Variants in TBC1D12 observed in about 807,000 individuals in gnomAD.
The protein encoded by TBC1D12 is TBC1 domain family member 12.
TBC1D12 carries 56 observed loss-of-function variants against 86.7 expected under a neutral mutation model. The ratio of observed to expected loss-of-function variants is 0.65; its 90% confidence interval spans 0.52 to 0.81. TBC1D12 has a LOEUF of 0.81. Ranked by LOEUF, TBC1D12 falls within the 30% of genes least tolerant of loss-of-function variation. TBC1D12 has a pLI of 0.00. For missense variants in TBC1D12, 1,023 were observed against 1,038.8 expected (o/e 0.98, Z 0.21); for synonymous variants, 421 against 411.7 (o/e 1.02, Z -0.27).
At chr10:94,487,814 A>G (rs1300217164) in intron 3 of TBC1D12, among the ~76,000 whole-genome samples, 2 of 148,948 alleles carry the variant, frequency 1.3e-5, no homozygotes, top group African/African-American at 4.9e-5. Context: ...CACCCACCTC[A>G]GACTCCCGAG....
chr10:94,458,334 C>T (rs1348944540), intron 2 of TBC1D12, among the ~76,000 whole-genome samples: 1 of 152,126 alleles, frequency 6.6e-6, no homozygotes, highest in Non-Finnish European at 1.5e-5. Context: ...TAGAGCGTCC[C>T]CATCAGCAAG....
intron 2 of TBC1D12, among the ~76,000 whole-genome samples, chr10:94,464,309 C>CT (rs751139079): frequency 9.2e-5 from 14 of 151,560 alleles, no homozygotes; most frequent in Admixed American, 8.6e-4. Context: ...TGGTCTTTCA[C>CT]TTTTTTTTTC....
At chr10:94,492,149 G>A (rs1016156351) in intron 3 of TBC1D12, among the ~76,000 whole-genome samples, 2 of 152,090 alleles carry the variant, frequency 1.3e-5, no homozygotes, top group Admixed American at 6.6e-5. Context: ...ATTGTGCTGG[G>A]TTAACTTAAT....
chr10:94,525,927 C>T (rs750214216), intron 11 of TBC1D12, among the ~76,000 whole-genome samples: 1 of 152,016 alleles, frequency 6.6e-6, no homozygotes, highest in Non-Finnish European at 1.5e-5. Flanking sequence ...TCATCTCAAA[C>T]ATTTATCATT....
chr10:94,470,615 G>A (rs552345305), intron 2 of TBC1D12, among the ~76,000 whole-genome samples: 2 of 151,706 alleles, frequency 1.3e-5, no homozygotes, highest in Admixed American at 6.6e-5. Context: ...TGCCAGCCTC[G>A]GCTTCCCAAA....
chr10:94,459,751 C>T (rs375705181), intron 2 of TBC1D12, among the ~76,000 whole-genome samples: 79 of 152,298 alleles, frequency 5.2e-4, no homozygotes, highest in African/African-American at 1.8e-3. Context: ...GTGCTAAGCC[C>T]CTCACTGCCC....
rs2054781808 is a variant in TBC1D12, at chr10:94,402,637, A to G, written c.24A>G (p.Gly8=). The G allele has an allele frequency of 6.2e-7, 1 of 1,611,832 alleles. No individual in the cohort carries two copies. The highest frequency in any genetic ancestry group is 2.2e-5 in the East Asian group (1 of 44,828). Residue 8 remains glycine (G), a synonymous_variant, in exon 1 of 13, where the codon GGA becomes GGG. Coordinates refer to ENST00000225235, the MANE Select transcript of TBC1D12 (RefSeq NM_015188.2). MVGPEDA[G]ACSGRNPKLL... Reference sequence around the variant, plus strand: ...AGATGGTGGGTCCGGAGGATGCCGGAGCCTGCTCGGGAAGAAACCCCAAGT... The same window carrying G: ...AGATGGTGGGTCCGGAGGATGCCGGGGCCTGCTCGGGAAGAAACCCCAAGT...
At chr10:94,450,589 A>G (rs1436567453) in intron 2 of TBC1D12, among the ~76,000 whole-genome samples, 1 of 152,166 alleles carries the variant, frequency 6.6e-6, no homozygotes, top group Non-Finnish European at 1.5e-5. Flanking sequence ...TTTATGTATT[A>G]GAAAAATAAT....
intron 8 of TBC1D12, among the ~76,000 whole-genome samples, chr10:94,510,990 C>T (rs533565990): frequency 4.0e-4 from 61 of 151,952 alleles, no homozygotes; most frequent in African/African-American, 1.4e-3. Flanking sequence ...TACCCTTATA[C>T]CAAATCTAGA....
intron 2 of TBC1D12, among the ~76,000 whole-genome samples, chr10:94,469,291 G>A (rs2055868290): frequency 6.6e-6 from 1 of 152,112 alleles, no homozygotes; most frequent in Non-Finnish European, 1.5e-5. Context: ...CCCTGGGTAA[G>A]CTCTGGGAAG....
chr10:94,457,956 C>T (rs1014664245), intron 2 of TBC1D12, among the ~76,000 whole-genome samples: 3 of 152,072 alleles, frequency 2.0e-5, no homozygotes, highest in Admixed American at 6.5e-5. Context: ...TCTGCCCATC[C>T]CTTTTATTAC....
intron 1 of TBC1D12, among the ~76,000 whole-genome samples, chr10:94,424,833 G>A (rs1005483403): frequency 6.6e-6 from 1 of 152,238 alleles, no homozygotes; most frequent in East Asian, 1.9e-4. Flanking sequence ...TAATTAATGG[G>A]TTTAAAGTAA....
intron 2 of TBC1D12, among the ~76,000 whole-genome samples, chr10:94,472,009 G>T (rs778231827): frequency 4.8e-4 from 73 of 152,206 alleles, no homozygotes; most frequent in Admixed American, 3.4e-3. Context: ...CTGTCTGGGG[G>T]TCTCCTTTTG....
At position 94,533,063 on chromosome 10, in the gene TBC1D12, A is replaced by T; in HGVS notation, c.2295A>T (p.Gly765=). 1 of 1,595,410 alleles carries T rather than the reference A, an allele frequency of 6.3e-7. No individual in the cohort carries two copies. Among genetic ancestry groups the T allele is most frequent in the East Asian group, 2.3e-5 (1 of 44,378 alleles). The stretch of plus-strand genomic sequence containing the variant: ...CTGTAATGAAGGATATTAAAGAAGG[A>T]GACAAGAACAGTAGTCCTGCTTTGA... ...FASVMKDIKE[G]DKNSSPALKS Residue 765 remains glycine (G), a synonymous_variant, in exon 13 of 13, where the codon GGA becomes GGT. Coordinates refer to ENST00000225235, the MANE Select transcript of TBC1D12 (RefSeq NM_015188.2).
chr10:94,496,595 T>G (rs559886080), intron 4 of TBC1D12, among the ~76,000 whole-genome samples: 8 of 152,302 alleles, frequency 5.3e-5, no homozygotes, highest in Admixed American at 4.6e-4. Context: ...AAATTTGACT[T>G]CATAGATTTA....
chr10:94,438,018 T>TTTTTTTA (rs2055329168), intron 1 of TBC1D12, among the ~76,000 whole-genome samples: 5 of 93,628 alleles, frequency 5.3e-5, no homozygotes, highest in African/African-American at 1.9e-4. Flanking sequence ...TTTTTTTTTT[T>TTTTTTTA]ATGAAATTGA....
chr10:94,510,301 T>G, intron 8 of TBC1D12, 122 bp downstream of exon 8: 1 of 595,158 alleles, frequency 1.7e-6, no homozygotes, highest in Non-Finnish European at 2.8e-6. Flanking sequence ...TTGGGGACCC[T>G]GTATAAAAAG....
rs189899163 is a variant in TBC1D12, at chr10:94,414,527, T to C, written c.971+10943T>C. Among the ~76,000 whole-genome samples the C allele has an allele frequency of 1.7e-3, 257 of 152,306 alleles. 3 individuals carry two copies. Among genetic ancestry groups the C allele is most frequent in the Admixed American group, 3.7e-3 (56 of 15,300 alleles). On this transcript the variant is annotated intron_variant, in intron 1 of 12. Transcript: ENST00000225235. ...TCTAGCCACTTGTGTCTTTAAAGTA[T>C]CTTGTATATCTCTCCTTAACTTCCC...
intron 3 of TBC1D12, among the ~76,000 whole-genome samples, chr10:94,480,764 C>G (rs2056066520): frequency 6.6e-6 from 1 of 150,706 alleles, no homozygotes; most frequent in African/African-American, 2.4e-5. Flanking sequence ...GTATTCCCAG[C>G]TACTTGGGAG....
Sources: gnomAD v4.1 joint callset for allele counts (sites outside exome capture counted in the v4.1 genomes callset) on GRCh38, gnomAD v4.1.1 for gene constraint, MANE v1.5 for transcripts, NCBI Gene and HGNC (gene_info 2026-07-23, HGNC 2026-07-21) for gene names.